Variants in CLCN6 observed in about 807,000 individuals in gnomAD.
The protein encoded by CLCN6 is Cl-/H+ antiporter 6, also known as H(+)/Cl(-) exchange transporter 6.
Under a neutral mutation model 109.8 loss-of-function variants are expected in CLCN6, and 70 were observed. The observed-to-expected ratio is 0.64, with a 90% CI of 0.53 to 0.78. The LOEUF (loss-of-function observed/expected upper bound fraction) is 0.78. CLCN6 is among the 30% of genes least tolerant of loss of function. The pLI is 0.00. For missense variants in CLCN6, 984 were observed against 1,142.3 expected (o/e 0.86, Z 2.00); for synonymous variants, 444 against 447.8 (o/e 0.99, Z 0.11).
At chr1:11,812,317 G>A (rs913108707) in intron 2 of CLCN6, among the ~76,000 whole-genome samples, 4 of 152,190 alleles carry the variant, frequency 2.6e-5, no homozygotes, top group Admixed American at 6.5e-5. Flanking sequence ...TTCAAGGAAC[G>A]TGGGAGGGGG....
At chr1:11,815,937 G>C in intron 3 of CLCN6, 26 bp downstream of exon 3, 1 of 1,560,242 alleles carries the variant, frequency 6.4e-7, no homozygotes, top group Non-Finnish European at 8.8e-7. Flanking sequence ...CTTCATCTCT[G>C]GGGATCAAAT....
At chr1:11,807,852 T>C (rs1644541128) in intron 2 of CLCN6, among the ~76,000 whole-genome samples, 1 of 152,208 alleles carries the variant, frequency 6.6e-6, no homozygotes, top group Admixed American at 6.5e-5. Context: ...ACATGCTTTT[T>C]TTAAGTAACA....
intron 3 of CLCN6, among the ~76,000 whole-genome samples, 196 bp downstream of exon 3, chr1:11,816,107 G>A (rs1174049431): frequency 6.6e-6 from 1 of 152,226 alleles, no homozygotes; most frequent in Non-Finnish European, 1.5e-5. Context: ...CTGGAGGTTG[G>A]TGGCAACCCT....
chr1:11,826,063 T>G, intron 8 of CLCN6, 93 bp from the exon 9 acceptor site: 11 of 953,018 alleles, frequency 1.2e-5, no homozygotes, highest in African/African-American at 1.7e-5. Flanking sequence ...CCCTGACCTG[T>G]GTTCTTTTTT....
At chr1:11,837,989 G>A (rs556148609) in intron 20 of CLCN6, among the ~76,000 whole-genome samples, 128 of 152,292 alleles carry the variant, frequency 8.4e-4, no homozygotes, top group African/African-American at 1.8e-3. Context: ...AGGTACTAGG[G>A]CTTAGGACTT....
chr1:11,814,499 C>T (rs1644643188), intron 2 of CLCN6, among the ~76,000 whole-genome samples: 1 of 152,066 alleles, frequency 6.6e-6, no homozygotes, highest in Non-Finnish European at 1.5e-5. Flanking sequence ...CCTCCTGCCT[C>T]AGCCTCCCAA....
In CLCN6 at chr1:11,828,134, C is replaced by T. The variant is rs1644835838; in HGVS notation, c.869C>T (p.Thr290Ile). The T allele has an allele frequency of 1.2e-6, 2 of 1,614,212 alleles. No homozygotes were observed. Among genetic ancestry groups the T allele is most frequent in the Middle Eastern group, 1.6e-4 (1 of 6,062 alleles). ...TTTTGTTCCATGTCTGCCACCTTCA[C>T]CCTCAACTTCTTCCGTTCTGGGATT... ...VLFCSMSATF[T>I]LNFFRSGIQF... The change falls in exon 11 of 23, where the codon ACC becomes ATC. Residue 290 changes from threonine (T) to isoleucine (I), a missense_variant. By Grantham distance (89) the Thr-to-Ile change is moderately conservative (BLOSUM62 -1). Coordinates refer to ENST00000346436, the MANE Select transcript of CLCN6 (RefSeq NM_001286.5).
intron 13 of CLCN6, among the ~76,000 whole-genome samples, chr1:11,830,782 A>G (rs897605807): frequency 3.3e-5 from 4 of 119,516 alleles, no homozygotes; most frequent in African/African-American, 1.7e-4. Context: ...CACACTATAT[A>G]TACACACACA....
rs533884606 is a variant in CLCN6, at chr1:11,816,358, T to C, written c.214-257T>C. 5.3e-5 allele frequency among the ~76,000 whole-genome samples: 8 copies of C among 152,338 alleles called. No homozygotes were observed. The East Asian group carries it at 1.5e-3, about 29-fold the overall frequency. ...GGTCTAGAACCAAACCCATGCTATC[T>C]GCAAGGTAGGCCTATGTTGGCATTT... On this transcript the variant is annotated intron_variant, in intron 3 of 22. Coordinates refer to ENST00000346436, the MANE Select transcript of CLCN6 (RefSeq NM_001286.5).
Position 11,827,430 on chromosome 1 carries a change from C to CTTTTTTTTTTTTTTTTTT in CLCN6, c.840+215_840+232dup, listed in dbSNP as rs59015951. 3.2e-3 allele frequency among the ~76,000 whole-genome samples: 336 copies of CTTTTTTTTTTTTTTTTTT among 105,016 alleles called. 12 individuals are homozygous for CTTTTTTTTTTTTTTTTTT. Among genetic ancestry groups the CTTTTTTTTTTTTTTTTTT allele is most frequent in the Non-Finnish European group, 5.2e-3 (280 of 53,438 alleles). The allele number at this position is 105,016 out of a possible 152,430, so 68.9% of individuals were successfully genotyped here. On this transcript the variant is annotated intron_variant, in intron 10 of 22. Coordinates refer to ENST00000346436, the MANE Select transcript of CLCN6 (RefSeq NM_001286.5). Reference sequence around the variant, plus strand: ...CTAACCCCAAATCAAACCGCTGTTACTTTTTTTTTTTTTTTTTTTTTTTGA... The same window carrying CTTTTTTTTTTTTTTTTTT: ...CTAACCCCAAATCAAACCGCTGTTACTTTTTTTTTTTTTTTTTTTTTTTTTTTTTTTTTTTTTTTTTGA...
rs1248024484 is a variant in CLCN6 at position 11,834,885 on chromosome 1, A to G, written c.1793+295A>G. On this transcript the variant is annotated intron_variant, in intron 17 of 22. Transcript: ENST00000346436. The surrounding 1 kb of genome is among the most constrained non-coding windows in gnomAD (Gnocchi z 4.5). Reference sequence around the variant, plus strand: ...GTGAGGTCTCTGGATCAAGTTCGTGATGTGATTGAATGTTTAAGGGTATGC... The same window carrying G: ...GTGAGGTCTCTGGATCAAGTTCGTGGTGTGATTGAATGTTTAAGGGTATGC... 1.3e-5 allele frequency among the ~76,000 whole-genome samples: 2 copies of G among 151,924 alleles called. No homozygotes were observed. The highest frequency in any genetic ancestry group is 6.6e-5 in the Admixed American group (1 of 15,258).
chr1:11,815,994 C>T (rs1353828116), intron 3 of CLCN6, 83 bp downstream of exon 3: 2 of 985,124 alleles, frequency 2.0e-6, no homozygotes, highest in African/African-American at 3.2e-5. Context: ...CCCCAGTAAA[C>T]ATCTTTACAC....
chr1:11,825,324 CTGGCAGAAGTGAG>C (rs1380312383), intron 8 of CLCN6, among the ~76,000 whole-genome samples: 1 of 152,232 alleles, frequency 6.6e-6, no homozygotes, highest in African/African-American at 2.4e-5. Context: ...AGCACCAGAT[CTGGCAGAAGTGAG>C]CCAAGGGGTG....
chr1:11,840,085 C>G, intron 22 of CLCN6, 58 bp from the exon 23 acceptor site: 4 of 1,418,038 alleles, frequency 2.8e-6, no homozygotes, highest in Non-Finnish European at 4.0e-6. Flanking sequence ...TCCTGTCACT[C>G]CTGTTCTCGC....
intron 9 of CLCN6, among the ~76,000 whole-genome samples, chr1:11,826,849 CAG>C (rs943925424): frequency 1.3e-5 from 2 of 152,072 alleles, no homozygotes; most frequent in African/African-American, 2.4e-5. Context: ...ACACAGAGGT[CAG>C]GGGCTCCTGT....
At chr1:11,829,152 A>G in intron 12 of CLCN6, 44 bp from the exon 13 acceptor site, 2 of 1,601,262 alleles carry the variant, frequency 1.2e-6, no homozygotes, top group South Asian at 1.1e-5. Flanking sequence ...CTGAGACCAG[A>G]GCTTCTTTCT....
At chr1:11,813,800 A>T (rs1166365716) in intron 2 of CLCN6, among the ~76,000 whole-genome samples, 1 of 152,190 alleles carries the variant, frequency 6.6e-6, no homozygotes, top group African/African-American at 2.4e-5. Flanking sequence ...TTTTCCCATT[A>T]TGAATGCTGA....
Position 11,834,472 on chromosome 1 carries a change from T to A in CLCN6, c.1687-12T>A. The A allele has an allele frequency of 6.2e-7, 1 of 1,614,046 alleles. No homozygotes were observed. Among genetic ancestry groups the A allele is most frequent in the African/African-American group, 1.3e-5 (1 of 75,042 alleles). On this transcript the variant is annotated splice_polypyrimidine_tract_variant and intron_variant, in intron 16 of 22. Coordinates refer to ENST00000346436, the MANE Select transcript of CLCN6 (RefSeq NM_001286.5). The surrounding 1 kb of genome is among the most constrained non-coding windows in gnomAD (Gnocchi z 4.5). ...ACAGGACCTATTTTTAGGTCTTTGCTTTGTGTTTCAGGTGGCCAAATGGAC... is the reference window on the plus strand; with the variant it reads ...ACAGGACCTATTTTTAGGTCTTTGCATTGTGTTTCAGGTGGCCAAATGGAC...
At position 11,840,268 on chromosome 1, in the gene CLCN6, A is replaced by T. The variant is rs1645003349; in HGVS notation, c.*45A>T. On this transcript the variant is annotated 3_prime_UTR_variant, in exon 23 of 23. Transcript: ENST00000346436. ...CTGGTGCTGCCTGGGGAGGCAAATC[A>T]TGCTCACTCCGGCGGGCACAGCTGG... 1 of 1,523,260 alleles carries T rather than the reference A, an allele frequency of 6.6e-7. No homozygotes were observed. The highest frequency in any genetic ancestry group is 1.7e-5 in the Admixed American group (1 of 59,876). 94.4% of individuals were successfully genotyped at this position (1,523,260 alleles called of 1,614,324 possible).
Sources: gnomAD v4.1 joint callset for allele counts (sites outside exome capture counted in the v4.1 genomes callset) on GRCh38, gnomAD v4.1.1 for gene constraint, Gnocchi (gnomAD v3.1) non-coding constraint, MANE v1.5 for transcripts, NCBI Gene and HGNC (gene_info 2026-07-23, HGNC 2026-07-21) for gene names.